PCDH11Y: variants seen among roughly 807,000 people sequenced by gnomAD.
PCDH11Y encodes the protein protocadherin-11 Y-linked.
For synonymous variants in PCDH11Y, 9 were observed against 83.6 expected (o/e 0.11, Z 4.87); for missense variants, 12 against 224.8 (o/e 0.05, Z 6.05).
intron 2 of PCDH11Y, among the ~76,000 whole-genome samples, chrY:5,344,958 G>A (rs2053150500): frequency 2.9e-5 from 1 of 34,930 alleles, no homozygotes; most frequent in African/African-American, 1.1e-4. Context: ...GCGCCACCGC[G>A]CCTGGCCACC....
At chrY:5,667,309 G>T in intron 4 of PCDH11Y, among the ~76,000 whole-genome samples, 1 of 30,326 alleles carries the variant, frequency 3.3e-5, no homozygotes, top group Non-Finnish European at 7.9e-5. Flanking sequence ...TTTAAATTGT[G>T]CATTGTCATC....
intron 3 of PCDH11Y, among the ~76,000 whole-genome samples, chrY:5,522,352 C>G: frequency 6.0e-5 from 2 of 33,415 alleles, no homozygotes; most frequent in Admixed American, 2.8e-4. Flanking sequence ...TTTCTGAGAA[C>G]TAGAGGAGGT....
chrY:5,386,035 G>A, intron 2 of PCDH11Y, among the ~76,000 whole-genome samples: 1 of 33,295 alleles, frequency 3.0e-5, no homozygotes, highest in Non-Finnish European at 7.4e-5. Context: ...AGCAGTTCCT[G>A]TAGTGCTGGC....
At chrY:5,581,197 A>G in intron 3 of PCDH11Y, among the ~76,000 whole-genome samples, 1 of 32,900 alleles carries the variant, frequency 3.0e-5, no homozygotes, top group African/African-American at 1.2e-4. Flanking sequence ...GAAATAATAT[A>G]AAATTTTAGG....
chrY:5,335,652 C>T (rs2053135652), intron 2 of PCDH11Y, among the ~76,000 whole-genome samples: 1 of 28,223 alleles, frequency 3.5e-5, no homozygotes, highest in Non-Finnish European at 8.2e-5. Flanking sequence ...ATTTTATTAC[C>T]AGCATTCTCT....
intron 2 of PCDH11Y, among the ~76,000 whole-genome samples, chrY:5,196,393 A>C (rs2052918664): frequency 3.0e-5 from 1 of 33,196 alleles, no homozygotes; most frequent in East Asian, 8.0e-4. Context: ...ATCTACATGT[A>C]AGACATACTT....
At chrY:5,407,772 T>TG (rs1363287724) in intron 2 of PCDH11Y, among the ~76,000 whole-genome samples, 102 of 30,997 alleles carry the variant, frequency 3.3e-3, no homozygotes, top group Non-Finnish European at 6.3e-3. Context: ...AAAAATTAGC[T>TG]GGCGTGGTGG....
intron 4 of PCDH11Y, among the ~76,000 whole-genome samples, chrY:5,605,345 T>C (rs2053478050): frequency 5.9e-5 from 2 of 33,663 alleles, no homozygotes; most frequent in Admixed American, 2.8e-4. Context: ...GTATTTATTA[T>C]TTTTTGTGCT....
chrY:5,274,691 A>T, intron 2 of PCDH11Y, among the ~76,000 whole-genome samples: 1 of 33,907 alleles, frequency 2.9e-5, no homozygotes, highest in Non-Finnish European at 7.3e-5. Context: ...TTGGCTTAAA[A>T]ATAGAGGTAT....
intron 2 of PCDH11Y, among the ~76,000 whole-genome samples, chrY:5,491,821 G>A: frequency 3.3e-5 from 1 of 30,565 alleles, no homozygotes; most frequent in East Asian, 8.6e-4. Context: ...CCTCACCACA[G>A]CCAGTGTACC....
At chrY:5,445,493 C>T (rs2053286945) in intron 2 of PCDH11Y, among the ~76,000 whole-genome samples, 1 of 27,375 alleles carries the variant, frequency 3.7e-5, no homozygotes, top group Non-Finnish European at 8.7e-5. Flanking sequence ...CCTTCCTTTT[C>T]GCCCTCCTCT....
intron 2 of PCDH11Y, among the ~76,000 whole-genome samples, chrY:5,326,139 TG>T: frequency 3.0e-5 from 1 of 33,020 alleles, no homozygotes; most frequent in African/African-American, 1.2e-4. Context: ...GGTATAGAGG[TG>T]GGAAGGCTAA....
chrY:5,459,589 T>C, intron 2 of PCDH11Y, among the ~76,000 whole-genome samples: 1 of 31,765 alleles, frequency 3.1e-5, no homozygotes, highest in African/African-American at 1.2e-4. Flanking sequence ...ATACTCTTTT[T>C]CCCACTGGCC....
At chrY:5,115,987 G>A (rs1602870544) in intron 2 of PCDH11Y, among the ~76,000 whole-genome samples, 16 of 32,879 alleles carry the variant, frequency 4.9e-4, no homozygotes, top group Admixed American at 1.1e-3. Context: ...TGATCCGCCC[G>A]CCTCGGCCTC....
chrY:5,446,438 T>A, intron 2 of PCDH11Y, among the ~76,000 whole-genome samples: 1 of 34,146 alleles, frequency 2.9e-5, no homozygotes, highest in Non-Finnish European at 7.4e-5. Context: ...ATAGCTTTTA[T>A]TTATTTGTAT....
intron 2 of PCDH11Y, among the ~76,000 whole-genome samples, chrY:5,150,675 A>G: frequency 2.9e-5 from 1 of 34,027 alleles, no homozygotes; most frequent in Non-Finnish European, 7.4e-5. Context: ...TTTCCTGAAT[A>G]TGGATGTTCC....
intron 2 of PCDH11Y, among the ~76,000 whole-genome samples, chrY:5,222,787 G>A: frequency 1.6e-4 from 5 of 31,381 alleles, no homozygotes; most frequent in African/African-American, 3.7e-4. Context: ...ATGAGCCACC[G>A]CACACAGCAA....
intron 3 of PCDH11Y, among the ~76,000 whole-genome samples, chrY:5,575,535 G>A (rs2578939): frequency 3.0e-5 from 1 of 32,850 alleles, no homozygotes; most frequent in South Asian, 6.8e-4. Flanking sequence ...AGTTTGTAAT[G>A]GAGCAAACAG....
At chrY:5,629,975 A>G in intron 4 of PCDH11Y, among the ~76,000 whole-genome samples, 4 of 33,774 alleles carry the variant, frequency 1.2e-4, no homozygotes, top group African/African-American at 3.5e-4. Context: ...CAGATTTTTA[A>G]GTACGACTTC....
Sources: gnomAD v4.1 joint callset for allele counts (sites outside exome capture counted in the v4.1 genomes callset) on GRCh38, gnomAD v4.1.1 for gene constraint, MANE v1.5 for transcripts, NCBI Gene and HGNC (gene_info 2026-07-23, HGNC 2026-07-21) for gene names.